Variants in GAS7 observed in about 807,000 individuals in gnomAD.
The protein encoded by GAS7 is growth arrest specific 7.
In GAS7, 28 loss-of-function variants were observed where a neutral mutation model predicts 71.1. The ratio of observed to expected loss-of-function variants is 0.39; its 90% CI spans 0.29 to 0.54. The LOEUF (loss-of-function observed/expected upper bound fraction) is 0.54, where lower values mean the gene tolerates loss of function less well. GAS7 is among the 20% of genes least tolerant of loss of function. The pLI, the probability that GAS7 is intolerant of heterozygous loss-of-function variation, is 0.62. For synonymous variants in GAS7, 258 were observed against 245.8 expected (o/e 1.05, Z -0.46); for missense variants, 436 against 627.8 (o/e 0.69, Z 3.27).
At chr17:9,980,454 T>A (rs995788281) in intron 3 of GAS7, among the ~76,000 whole-genome samples, 9 of 152,236 alleles carry the variant, frequency 5.9e-5, no homozygotes, top group Non-Finnish European at 1.0e-4. Context: ...GGGATTACTT[T>A]TTCTTCTGAA....
intron 1 of GAS7, among the ~76,000 whole-genome samples, chr17:10,021,483 C>A (rs779858664): frequency 2.6e-5 from 4 of 152,244 alleles, no homozygotes; most frequent in Admixed American, 6.5e-5. Flanking sequence ...CTGCCCTCTG[C>A]GTAGCTGCGG....
At chr17:10,027,626 G>A (rs1567554379) in intron 1 of GAS7, among the ~76,000 whole-genome samples, 1 of 152,198 alleles carries the variant, frequency 6.6e-6, no homozygotes, top group Non-Finnish European at 1.5e-5. Context: ...TCCTTTATCT[G>A]GCAGACACAG....
At position 10,196,998 on chromosome 17, in the gene GAS7, C is replaced by G. The variant is rs561706029; in HGVS notation, c.183+1210G>C. Among the ~76,000 whole-genome samples, 216 of 152,290 alleles carry G rather than the reference C, an allele frequency of 1.4e-3. 1 individual carries two copies. The highest frequency in any genetic ancestry group is 3.8e-3 in the African/African-American group (159 of 41,548). ...AGCCCATGAAAGCTCATTCCAGCAG[C>G]CCCTAAACTTTGCTCAAATGCTACT... On this transcript the variant is annotated intron_variant, in intron 1 of 13. Coordinates refer to ENST00000432992, the MANE Select transcript of GAS7 (RefSeq NM_201433.2).
chr17:10,115,585 C>T (rs1169632683), intron 1 of GAS7, among the ~76,000 whole-genome samples: 1 of 152,224 alleles, frequency 6.6e-6, no homozygotes, highest in Non-Finnish European at 1.5e-5. Flanking sequence ...TTGGCAGTGT[C>T]CATACACTTG....
chr17:10,083,321 G>A lies in GAS7; in HGVS notation c.184-63424C>T, dbSNP rs569089490. Among the ~76,000 whole-genome samples, 9 of 152,312 alleles carry A rather than the reference G, an allele frequency of 5.9e-5. No homozygotes were observed. The South Asian group carries it at 1.9e-3, about 32-fold the overall frequency. On this transcript the variant is annotated intron_variant, in intron 1 of 13. Transcript: ENST00000432992. ...ATGGGTGGATCACTTGAGGTCAGGA[G>A]ATCAAGACCAGCGTGGCCAACATGG... is the stretch of plus-strand genomic sequence containing the variant.
intron 5 of GAS7, among the ~76,000 whole-genome samples, chr17:9,951,760 C>CAA (rs59048492): frequency 0.017 from 1,169 of 68,970 alleles, 122 homozygotes; most frequent in African/African-American, 0.049. Context: ...AACTCTGTCT[C>CAA]AAAAAAAAAA....
chr17:9,937,645 T>C (rs556739357), intron 8 of GAS7, among the ~76,000 whole-genome samples: 104 of 152,372 alleles, frequency 6.8e-4, no homozygotes, highest in Non-Finnish European at 1.1e-3. Flanking sequence ...CCAACCCATG[T>C]GGAGGGCTTA....
chr17:10,091,056 C>T (rs1294659557), intron 1 of GAS7, among the ~76,000 whole-genome samples: 1 of 152,150 alleles, frequency 6.6e-6, no homozygotes, highest in Non-Finnish European at 1.5e-5. Context: ...CTACCAAGGG[C>T]CACGCACAGC....
intron 1 of GAS7, among the ~76,000 whole-genome samples, chr17:10,063,245 C>T (rs1015825768): frequency 3.3e-5 from 5 of 152,226 alleles, no homozygotes; most frequent in Admixed American, 6.5e-5. Flanking sequence ...TAATAGGCAA[C>T]GGCATGGTGG....
intron 1 of GAS7, among the ~76,000 whole-genome samples, chr17:10,126,371 C>CACACGCACA (rs2073947455): frequency 7.0e-6 from 1 of 142,828 alleles, no homozygotes; most frequent in Non-Finnish European, 1.6e-5. Context: ...CTCTTGCACA[C>CACACGCACA]ACACCCACAC....
chr17:10,036,853 G>T, intron 1 of GAS7: 1 of 454,474 alleles, frequency 2.2e-6, no homozygotes, highest in Non-Finnish European at 3.1e-6. Flanking sequence ...TCACTGAGCA[G>T]ATGCCTCCCA....
intron 1 of GAS7, among the ~76,000 whole-genome samples, chr17:10,040,670 G>A (rs2072846390): frequency 6.6e-6 from 1 of 151,632 alleles, no homozygotes; most frequent in South Asian, 2.1e-4. Flanking sequence ...AACCAGCCAT[G>A]AAGAGGAGGC....
At chr17:10,127,305 AG>A (rs2073959157) in intron 1 of GAS7, among the ~76,000 whole-genome samples, 1 of 152,166 alleles carries the variant, frequency 6.6e-6, no homozygotes, top group South Asian at 2.1e-4. Flanking sequence ...CCTGGTTTCC[AG>A]GGGCCCCATG....
At chr17:9,918,973 T>C (rs115989110) in intron 12 of GAS7, among the ~76,000 whole-genome samples, 2,582 of 152,246 alleles carry the variant, frequency 0.017, 72 homozygotes, top group African/African-American at 0.058. Flanking sequence ...GTTAGTCCTG[T>C]GCTGGATGGA....
chr17:9,988,687 GA>G (rs548338091), intron 2 of GAS7, among the ~76,000 whole-genome samples: 5 of 148,880 alleles, frequency 3.4e-5, no homozygotes, highest in South Asian at 2.1e-4. Context: ...ACTCCATCTC[GA>G]AAAAAAAAAT....
chr17:10,183,684 T>C (rs968266749), intron 1 of GAS7, among the ~76,000 whole-genome samples: 6 of 152,028 alleles, frequency 3.9e-5, no homozygotes, highest in Admixed American at 1.3e-4. Context: ...CTAAACAAAA[T>C]ACAAAAAATT....
intron 1 of GAS7, among the ~76,000 whole-genome samples, chr17:10,100,077 G>T (rs1455832942): frequency 2.0e-5 from 3 of 152,148 alleles, no homozygotes; most frequent in East Asian, 1.9e-4. Flanking sequence ...GAGTTTAAAG[G>T]CTCCGAAAGA....
Position 10,198,335 on chromosome 17 carries a change from T to G in GAS7, c.56A>C (p.Gln19Pro), listed in dbSNP as rs1481269935. Reference protein sequence around the residue: ...LYPFSGERHGQGLRFAAGELI... With the variant: ...LYPFSGERHGPGLRFAAGELI... ...CTCGCCCGCGGCGAAGCGCAGCCCC[T>G]GGCCGTGCCGCTCCCCGGAGAAGGG... The change falls in exon 1 of 14, where the codon CAG becomes CCG. Residue 19 changes from glutamine to proline, a missense_variant. Coordinates refer to ENST00000432992, the MANE Select transcript of GAS7 (RefSeq NM_201433.2). The G allele has an allele frequency of 3.1e-6, 5 of 1,599,796 alleles. No individual in the cohort carries two copies. Among genetic ancestry groups the G allele is most frequent in the Non-Finnish European group, 4.2e-6 (5 of 1,178,876 alleles).
rs146027637 is a variant in GAS7, at chr17:10,162,667, C to A, written c.183+35541G>T. ...GATCAGTCCATATTTTTCTATGAAT[C>A]AATAACTTGTCATAAAAGAAGAGCA... On this transcript the variant is annotated intron_variant, in intron 1 of 13. Coordinates refer to ENST00000432992, the MANE Select transcript of GAS7 (RefSeq NM_201433.2). Among the ~76,000 whole-genome samples, 280 of 152,236 alleles carry A rather than the reference C, an allele frequency of 1.8e-3. No homozygotes were observed. In the Middle Eastern group the frequency reaches 0.02, roughly 11 times the overall value.
Sources: allele counts gnomAD v4.1 joint callset (sites outside exome capture counted in the v4.1 genomes callset), GRCh38; gene constraint gnomAD v4.1.1; transcripts MANE v1.5; gene names NCBI Gene and HGNC (gene_info 2026-07-23, HGNC 2026-07-21).